BNC2: variants seen among roughly 807,000 people sequenced by gnomAD.
The protein encoded by BNC2 is zinc finger protein basonuclin-2.
In BNC2, 20 loss-of-function variants were observed where a neutral mutation model predicts 76.3. The ratio of observed to expected loss-of-function variants is 0.26; its 90% CI spans 0.18 to 0.38. BNC2 has a LOEUF of 0.38. BNC2 is among the 10% of genes least tolerant of loss of function. The pLI, the probability that BNC2 is intolerant of heterozygous loss-of-function variation, is 1.00. For synonymous variants in BNC2, 582 were observed against 514.8 expected, an observed-to-expected ratio of 1.13 and a Z score of -1.77; for missense variants, 1,382 against 1,399.8, an observed-to-expected ratio of 0.99 and a Z score of 0.20.
At chr9:16,753,751 A>G (rs1825290777) in intron 1 of BNC2, among the ~76,000 whole-genome samples, 1 of 152,152 alleles carries the variant, frequency 6.6e-6, no homozygotes, top group African/African-American at 2.4e-5. Context: ...AAAATAATCT[A>G]TTTTTCCACC....
chr9:16,840,228 A>C (rs1422368597), intron 1 of BNC2, among the ~76,000 whole-genome samples: 2 of 152,120 alleles, frequency 1.3e-5, no homozygotes, highest in Non-Finnish European at 2.9e-5. Flanking sequence ...TCACATACCC[A>C]CTAAACCTTA....
intron 3 of BNC2, among the ~76,000 whole-genome samples, chr9:16,700,790 TC>T (rs1291104544): frequency 4.6e-5 from 7 of 152,018 alleles, no homozygotes; most frequent in African/African-American, 1.7e-4. Context: ...TGAAACCCCA[TC>T]CCTGCTAAAA....
At chr9:16,841,266 A>G (rs1298517318) in intron 1 of BNC2, among the ~76,000 whole-genome samples, 1 of 152,128 alleles carries the variant, frequency 6.6e-6, no homozygotes, top group Non-Finnish European at 1.5e-5. Flanking sequence ...GACAGTTATT[A>G]CCCTCCATAT....
intron 4 of BNC2, among the ~76,000 whole-genome samples, chr9:16,565,806 C>CA (rs567073225): frequency 0.038 from 4,587 of 120,800 alleles, 160 homozygotes; most frequent in African/African-American, 0.1. Flanking sequence ...AGCCCCATCT[C>CA]AAAAAAAAAA....
chr9:16,870,567 GC>G, intron 1 of BNC2, 78 bp downstream of exon 1: 1 of 1,541,722 alleles, frequency 6.5e-7, no homozygotes, highest in Non-Finnish European at 8.8e-7. Context: ...CCCCCGGGCG[GC>G]CCCGGTGGCG....
At chr9:16,768,507 T>G (rs1259996137) in intron 1 of BNC2, among the ~76,000 whole-genome samples, 1 of 152,068 alleles carries the variant, frequency 6.6e-6, no homozygotes, top group Non-Finnish European at 1.5e-5. Flanking sequence ...TGTGTTTAGT[T>G]TGGGATATGT....
At chr9:16,494,160 T>C (rs1449576717) in intron 5 of BNC2, among the ~76,000 whole-genome samples, 1 of 152,160 alleles carries the variant, frequency 6.6e-6, no homozygotes, top group East Asian at 1.9e-4. Context: ...AATTTTCTTT[T>C]TCTTTTTTTT....
intron 5 of BNC2, among the ~76,000 whole-genome samples, chr9:16,449,430 T>C (rs1326648645): frequency 6.6e-6 from 1 of 152,134 alleles, no homozygotes; most frequent in African/African-American, 2.4e-5. Flanking sequence ...TTTTAAACAA[T>C]ATGGGTAAAC....
chr9:16,818,418 C>T (rs376201940), intron 1 of BNC2, among the ~76,000 whole-genome samples: 8 of 152,056 alleles, frequency 5.3e-5, no homozygotes, highest in South Asian at 4.2e-4. Context: ...AAAAATTAAA[C>T]CCAAAAACGA....
intron 1 of BNC2, among the ~76,000 whole-genome samples, chr9:16,751,795 C>T (rs934114508): frequency 6.6e-6 from 1 of 151,842 alleles, no homozygotes; most frequent in South Asian, 2.1e-4. Context: ...CTTTGGAGGC[C>T]GAGGCAGTTT....
intron 3 of BNC2, among the ~76,000 whole-genome samples, chr9:16,726,628 C>A (rs1476423746): frequency 6.6e-6 from 1 of 150,788 alleles, no homozygotes; most frequent in East Asian, 1.9e-4. Flanking sequence ...TTCTTAATAA[C>A]CGCCGTCAAC....
intron 5 of BNC2, among the ~76,000 whole-genome samples, chr9:16,464,305 T>C (rs1821657457): frequency 6.6e-6 from 1 of 152,096 alleles, no homozygotes; most frequent in African/African-American, 2.4e-5. Flanking sequence ...TCTGGACATC[T>C]GCTCCAAGAG....
rs544889725 is a variant in BNC2 at position 16,818,352 on chromosome 9, C to T, written c.3+52294G>A. On this transcript the variant is annotated intron_variant, in intron 1 of 6. Coordinates refer to ENST00000380672, the MANE Select transcript of BNC2 (RefSeq NM_017637.6). ...CTTGGAGGCGGAGCTTGTAGTGAGC[C>T]GACATGGCGCCACTGCACTCCAGCC... Among the ~76,000 whole-genome samples the T allele has an allele frequency of 9.4e-4, 143 of 152,126 alleles. 1 individual carries two copies. Among genetic ancestry groups the T allele is most frequent in the Middle Eastern group, 6.8e-3 (2 of 294 alleles).
At chr9:16,771,845 C>G (rs1196695749) in intron 1 of BNC2, among the ~76,000 whole-genome samples, 1 of 152,218 alleles carries the variant, frequency 6.6e-6, no homozygotes, top group Non-Finnish European at 1.5e-5. Context: ...CAACCCTAAT[C>G]CTCTATAAAG....
At chr9:16,685,766 C>T in intron 3 of BNC2, 1 of 413,740 alleles carries the variant, frequency 2.4e-6, no homozygotes, top group Non-Finnish European at 4.8e-6. Context: ...ATGTATGTGA[C>T]ACTTAGTATG....
At chr9:16,521,797 G>C (rs144002005) in intron 5 of BNC2, among the ~76,000 whole-genome samples, 49 of 152,274 alleles carry the variant, frequency 3.2e-4, no homozygotes, top group African/African-American at 1.1e-3. Flanking sequence ...TGGAGCAGAG[G>C]GGGGTGTAAC....
intron 5 of BNC2, among the ~76,000 whole-genome samples, chr9:16,502,518 G>C (rs536517221): frequency 6.6e-6 from 1 of 152,078 alleles, no homozygotes; most frequent in East Asian, 1.9e-4. Context: ...CACTAGTTTA[G>C]ACACATTTCC....
intron 3 of BNC2, among the ~76,000 whole-genome samples, chr9:16,673,439 A>C (rs373266779): frequency 0.013 from 1,835 of 144,906 alleles, 18 homozygotes; most frequent in African/African-American, 0.024. Flanking sequence ...TTAAAAAAAA[A>C]AAAAACACAC....
chr9:16,542,436 A>G (rs1447845285), intron 5 of BNC2, among the ~76,000 whole-genome samples: 7 of 152,204 alleles, frequency 4.6e-5, no homozygotes, highest in African/African-American at 1.7e-4. Flanking sequence ...GACATAACAG[A>G]TCACTCAGTT....
Sources: gnomAD v4.1 joint callset for allele counts (sites outside exome capture counted in the v4.1 genomes callset) on GRCh38, gnomAD v4.1.1 for gene constraint, MANE v1.5 for transcripts, NCBI Gene and HGNC (gene_info 2026-07-23, HGNC 2026-07-21) for gene names.